Variants in TBC1D22A observed in about 807,000 individuals in gnomAD.
The protein encoded by TBC1D22A is TBC1 domain family member 22A.
A neutral mutation model predicts 60.2 loss-of-function variants in TBC1D22A; 38 were observed. The ratio of observed to expected loss-of-function variants is 0.63; its 90% CI spans 0.49 to 0.83. TBC1D22A has a LOEUF of 0.83. Ranked by LOEUF, TBC1D22A falls within the 40% of genes least tolerant of loss-of-function variation. TBC1D22A has a pLI of 0.00. For synonymous variants in TBC1D22A, 302 were observed against 281.7 expected, an observed-to-expected ratio of 1.07 and a Z score of -0.72; for missense variants, 628 against 701.0, an observed-to-expected ratio of 0.90 and a Z score of 1.18.
At chr22:47,054,943 C>T (rs1179095523) in intron 11 of TBC1D22A, among the ~76,000 whole-genome samples, 3 of 152,210 alleles carry the variant, frequency 2.0e-5, no homozygotes, top group Admixed American at 2.0e-4. Context: ...GGCTGGGACT[C>T]ACAGCCCAGG....
chr22:46,972,259 C>T (rs1236617319), intron 8 of TBC1D22A, among the ~76,000 whole-genome samples: 2 of 152,010 alleles, frequency 1.3e-5, no homozygotes, highest in Non-Finnish European at 2.9e-5. Context: ...CGCTTGTTTT[C>T]CCCTTTAATT....
intron 11 of TBC1D22A, among the ~76,000 whole-genome samples, chr22:47,083,018 G>A (rs927694976): frequency 2.0e-5 from 3 of 152,230 alleles, no homozygotes; most frequent in East Asian, 1.9e-4. Context: ...CAATGACAAC[G>A]TGGATGAATC....
At chr22:46,800,088 G>T (rs1052356813) in intron 4 of TBC1D22A, among the ~76,000 whole-genome samples, 12 of 152,136 alleles carry the variant, frequency 7.9e-5, no homozygotes, top group Non-Finnish European at 1.8e-4. Context: ...GTGGAGAACC[G>T]CCTTAGTCTT....
chr22:47,005,903 C>T (rs1602955764), intron 10 of TBC1D22A, among the ~76,000 whole-genome samples: 1 of 151,322 alleles, frequency 6.6e-6, no homozygotes, highest in South Asian at 2.1e-4. Context: ...CACATCTATA[C>T]ACAGACACAC....
At chr22:46,955,698 C>A (rs1050976935) in intron 8 of TBC1D22A, among the ~76,000 whole-genome samples, 1 of 152,196 alleles carries the variant, frequency 6.6e-6, no homozygotes, top group Non-Finnish European at 1.5e-5. Context: ...TAATGCAGTT[C>A]TATTTTTGTC....
rs111778552 is a variant in TBC1D22A, at chr22:46,899,461, A to AAG, written c.900+4615_900+4616insAG. ...TACTTCGTCTCAAAAAAAAAAAAAA[A>AAG]TTTGTCTTGTGTTGGCCAGTAGAAA... On this transcript the variant is annotated intron_variant, in intron 7 of 12. Transcript: ENST00000337137. Among the ~76,000 whole-genome samples, 1,209 of 151,130 alleles carry AAG rather than the reference A, an allele frequency of 8.0e-3. 22 individuals carry two copies. The highest frequency in any genetic ancestry group is 0.028 in the African/African-American group (1,137 of 41,026).
intron 1 of TBC1D22A, among the ~76,000 whole-genome samples, chr22:46,775,727 C>A (rs201710854): frequency 6.6e-6 from 1 of 152,190 alleles, no homozygotes; most frequent in Admixed American, 6.5e-5. Context: ...CTGCCTCAGC[C>A]GTCATGCTTT....
chr22:46,890,584 A>G (rs1374624342), intron 5 of TBC1D22A, among the ~76,000 whole-genome samples: 1 of 152,166 alleles, frequency 6.6e-6, no homozygotes, highest in Non-Finnish European at 1.5e-5. Context: ...GGACAACTAT[A>G]TATTGTCAAT....
chr22:46,860,958 A>G (rs571002220), intron 4 of TBC1D22A, among the ~76,000 whole-genome samples: 2 of 150,338 alleles, frequency 1.3e-5, no homozygotes, highest in Non-Finnish European at 3.0e-5. Flanking sequence ...TGGCGAAGGC[A>G]TATTTGAAAA....
Position 47,173,723 on chromosome 22 carries a change from A to T in TBC1D22A, c.*97A>T. 1 of 1,570,474 alleles carries T rather than the reference A, an allele frequency of 6.4e-7. No homozygotes were observed. The highest frequency in any genetic ancestry group is 8.7e-7 in the Non-Finnish European group (1 of 1,155,264). On this transcript the variant is annotated 3_prime_UTR_variant, in exon 13 of 13. Transcript: ENST00000337137. ...CCTGTGAGCTGGTCCCGGGCTGCTA[A>T]AAGGCCTTGTGAGGTGGCCCCACCC...
chr22:46,989,078 T>A (rs2074836348), intron 9 of TBC1D22A, among the ~76,000 whole-genome samples: 1 of 152,258 alleles, frequency 6.6e-6, no homozygotes, highest in African/African-American at 2.4e-5. Context: ...TTAAACCTGA[T>A]GAACTGACCT....
At chr22:47,044,913 G>A (rs1213110871) in intron 11 of TBC1D22A, among the ~76,000 whole-genome samples, 2 of 152,210 alleles carry the variant, frequency 1.3e-5, no homozygotes, top group Non-Finnish European at 2.9e-5. Context: ...TACAGGAGAT[G>A]GTTTCTTCCC....
chr22:46,821,665 A>G (rs116163282), intron 4 of TBC1D22A, among the ~76,000 whole-genome samples: 2,143 of 152,176 alleles, frequency 0.014, 51 homozygotes, highest in African/African-American at 0.049. Flanking sequence ...GCTGTTCTTA[A>G]CAGTTTTTCC....
chr22:46,976,247 C>T (rs565750393), intron 9 of TBC1D22A, among the ~76,000 whole-genome samples: 7 of 152,260 alleles, frequency 4.6e-5, no homozygotes, highest in African/African-American at 1.4e-4. Context: ...TGGTCTGATG[C>T]AATGGTTTAT....
At chr22:47,006,765 C>T (rs991190441) in intron 10 of TBC1D22A, among the ~76,000 whole-genome samples, 14 of 152,232 alleles carry the variant, frequency 9.2e-5, no homozygotes, top group Non-Finnish European at 1.9e-4. Flanking sequence ...TCTGCCTTGG[C>T]GCTTCCTTTG....
intron 8 of TBC1D22A, among the ~76,000 whole-genome samples, chr22:46,966,315 T>C (rs1359011000): frequency 6.6e-6 from 1 of 152,160 alleles, no homozygotes; most frequent in Non-Finnish European, 1.5e-5. Flanking sequence ...ACAGCACGGC[T>C]GTGTGAGCTG....
chr22:46,953,193 G>A lies in TBC1D22A; in HGVS notation c.1016-21097G>A, dbSNP rs182975069. Reference sequence around the variant, plus strand: ...TTTATCCAATTATTTATATCAATATGAATTTTAAAATACTTCATATTTCGA... The same window carrying A: ...TTTATCCAATTATTTATATCAATATAAATTTTAAAATACTTCATATTTCGA... On this transcript the variant is annotated intron_variant, in intron 8 of 12. Coordinates refer to ENST00000337137, the MANE Select transcript of TBC1D22A (RefSeq NM_014346.5). Among the ~76,000 whole-genome samples the A allele has an allele frequency of 1.1e-4, 16 of 152,256 alleles. No homozygotes were observed. The East Asian group carries it at 2.1e-3, about 20-fold the overall frequency.
chr22:47,164,266 T>G (rs5767554), intron 12 of TBC1D22A, among the ~76,000 whole-genome samples: 93,470 of 152,250 alleles, frequency 0.61, 28,927 homozygotes, highest in East Asian at 0.71. Flanking sequence ...GACATGGGCC[T>G]CTGTGGCCTC....
intron 7 of TBC1D22A, among the ~76,000 whole-genome samples, chr22:46,895,671 G>A (rs1164825473): frequency 1.3e-5 from 2 of 152,098 alleles, no homozygotes; most frequent in African/African-American, 2.4e-5. Flanking sequence ...GGCGCCCGGC[G>A]TCTCTCATTG....
Sources: allele counts gnomAD v4.1 joint callset (sites outside exome capture counted in the v4.1 genomes callset), GRCh38; gene constraint gnomAD v4.1.1; transcripts MANE v1.5; gene names NCBI Gene and HGNC (gene_info 2026-07-23, HGNC 2026-07-21).